Variants in PIEZO2 observed in about 807,000 individuals in gnomAD.
PIEZO2 encodes the protein piezo type mechanosensitive ion channel component 2.
A neutral mutation model predicts 337.3 loss-of-function variants in PIEZO2; 172 were observed. The ratio of observed to expected loss-of-function variants is 0.51; its 90% CI spans 0.45 to 0.58. The LOEUF is 0.58. PIEZO2 is among the 20% of genes least tolerant of loss of function. PIEZO2 has a pLI of 0.00. For synonymous variants in PIEZO2, 1,251 were observed against 1,228.5 expected (o/e 1.02, Z -0.38); for missense variants, 3,028 against 3,391.3 (o/e 0.89, Z 2.66).
chr18:10,881,690 C>T (rs1171807358), intron 4 of PIEZO2, among the ~76,000 whole-genome samples: 1 of 152,158 alleles, frequency 6.6e-6, no homozygotes, highest in Non-Finnish European at 1.5e-5. Flanking sequence ...CATTTACCAA[C>T]ACACAACTGC....
In PIEZO2 at chr18:10,705,749, G is replaced by C; in HGVS notation, c.5589-3C>G. 1 of 1,515,798 alleles carries C rather than the reference G, an allele frequency of 6.6e-7. No individual in the cohort carries two copies. Among genetic ancestry groups the C allele is most frequent in the South Asian group, 1.2e-5 (1 of 81,962 alleles). The allele number at this position is 1,515,798 out of a possible 1,614,324, so 93.9% of individuals were successfully genotyped here. On this transcript the variant is annotated splice_polypyrimidine_tract_variant and splice_region_variant and intron_variant, in intron 40 of 55. Coordinates refer to ENST00000674853, the MANE Select transcript of PIEZO2 (RefSeq NM_001378183.1). ...GCATGGTACACTGCGTGGGCTCGCT[G>C]TTGGGAGAAAGCGTGGGCACAGAGC...
chr18:11,060,483 A>G (rs1169344540), intron 2 of PIEZO2, among the ~76,000 whole-genome samples: 2 of 152,162 alleles, frequency 1.3e-5, no homozygotes, highest in African/African-American at 4.8e-5. Context: ...TTTTTTGAAA[A>G]GATCAACAAA....
At chr18:10,932,263 G>C (rs933646802) in intron 3 of PIEZO2, among the ~76,000 whole-genome samples, 1 of 152,078 alleles carries the variant, frequency 6.6e-6, no homozygotes, top group Non-Finnish European at 1.5e-5. Context: ...GGGTATGGTG[G>C]CACATGCCTG....
intron 2 of PIEZO2, among the ~76,000 whole-genome samples, chr18:11,043,641 A>G (rs1366018228): frequency 6.6e-6 from 1 of 152,186 alleles, no homozygotes; most frequent in African/African-American, 2.4e-5. Context: ...ACTGGAAAAA[A>G]GTATCCATAT....
chr18:11,101,411 T>A lies in PIEZO2; in HGVS notation c.65-35189A>T, dbSNP rs916092030. On this transcript the variant is annotated intron_variant, in intron 1 of 55. Transcript: ENST00000674853. This position sits in a 1 kb window ranked among gnomAD's most constrained non-coding sequence, Gnocchi z 4.4. ...AAGTGGTTCCCTTAAAGTTATAGGA[T>A]AACATAAAAAACCTCTGTTTTCAGC... is the stretch of plus-strand genomic sequence containing the variant. Among the ~76,000 whole-genome samples the A allele has an allele frequency of 5.3e-5, 8 of 152,232 alleles. No individual in the cohort carries two copies. The highest frequency in any genetic ancestry group is 1.7e-4 in the African/African-American group (7 of 41,460).
At chr18:10,690,510 A>G (rs2034765364) in intron 48 of PIEZO2, among the ~76,000 whole-genome samples, 1 of 152,104 alleles carries the variant, frequency 6.6e-6, no homozygotes, top group African/African-American at 2.4e-5. Context: ...TATAAATCCA[A>G]TCCCTGGAAG....
chr18:11,133,796 A>C lies in PIEZO2; in HGVS notation c.64+14729T>G, dbSNP rs145667529. Among the ~76,000 whole-genome samples the C allele has an allele frequency of 1.1e-3, 148 of 140,680 alleles. 1 individual carries two copies. In the South Asian group the frequency reaches 0.015, roughly 14 times the overall value. The allele number at this position is 140,680 out of a possible 152,430, so 92.3% of individuals were successfully genotyped here. ...TAATACTTAATAAACTCCTCTCTCTATATATATGTGTGTATATATATATAT... is the reference window on the plus strand; with the variant it reads ...TAATACTTAATAAACTCCTCTCTCTCTATATATGTGTGTATATATATATAT... On this transcript the variant is annotated intron_variant, in intron 1 of 55. Transcript: ENST00000674853.
At chr18:10,978,173 A>G (rs978858520) in intron 3 of PIEZO2, among the ~76,000 whole-genome samples, 1 of 152,076 alleles carries the variant, frequency 6.6e-6, no homozygotes, top group Non-Finnish European at 1.5e-5. Flanking sequence ...AACACAAAAA[A>G]TAAAATAAAA....
rs1157962197 is a variant in PIEZO2 at position 11,048,983 on chromosome 18, T to G, written c.160+17144A>C. 6.6e-6 allele frequency among the ~76,000 whole-genome samples: 1 copy of G among 152,236 alleles called. No homozygotes were observed. The highest frequency in any genetic ancestry group is 1.9e-4 in the East Asian group (1 of 5,198). ...CAGATGAAGTAAAGCTCAGATGCTCTAATAAATTATTCCATCAGAAATTAG... is the reference window on the plus strand; with the variant it reads ...CAGATGAAGTAAAGCTCAGATGCTCGAATAAATTATTCCATCAGAAATTAG... On this transcript the variant is annotated intron_variant, in intron 2 of 55. Transcript: ENST00000674853. This position sits in a 1 kb window ranked among gnomAD's most constrained non-coding sequence, Gnocchi z 4.5.
chr18:11,087,692 A>G (rs1355332113), intron 1 of PIEZO2, among the ~76,000 whole-genome samples: 3 of 152,178 alleles, frequency 2.0e-5, no homozygotes. Context: ...GTTTTTCATC[A>G]AGATCAACTA....
At chr18:10,905,197 C>CT (rs2043144624) in intron 4 of PIEZO2, among the ~76,000 whole-genome samples, 1 of 152,180 alleles carries the variant, frequency 6.6e-6, no homozygotes, top group African/African-American at 2.4e-5. Flanking sequence ...AGAAGCCCAT[C>CT]TTTCACAAAT....
intron 1 of PIEZO2, among the ~76,000 whole-genome samples, chr18:11,091,593 G>A (rs912357400): frequency 2.0e-5 from 3 of 152,104 alleles, no homozygotes; most frequent in South Asian, 4.1e-4. Context: ...TGTGATTCTG[G>A]CTCTGTTATC....
chr18:10,936,527 C>T (rs1378238518), intron 3 of PIEZO2, among the ~76,000 whole-genome samples: 1 of 152,104 alleles, frequency 6.6e-6, no homozygotes, highest in African/African-American at 2.4e-5. Flanking sequence ...AAAATGTTGC[C>T]TACCACTGTC....
At position 10,962,157 on chromosome 18, in the gene PIEZO2, A is replaced by G. The variant is rs138784501; in HGVS notation, c.286+17378T>C. On this transcript the variant is annotated intron_variant, in intron 3 of 55. Coordinates refer to ENST00000674853, the MANE Select transcript of PIEZO2 (RefSeq NM_001378183.1). The surrounding 1 kb of genome is among the most constrained non-coding windows in gnomAD (Gnocchi z 4.1). Reference sequence around the variant, plus strand: ...GATTCTACTGATCCTCAAAACTGCCACTGAATTAGAATTATTTCCAGATGC... The same window carrying G: ...GATTCTACTGATCCTCAAAACTGCCGCTGAATTAGAATTATTTCCAGATGC... 1.5e-3 allele frequency among the ~76,000 whole-genome samples: 229 copies of G among 152,306 alleles called. 1 individual carries two copies. The East Asian group carries it at 0.032, about 21-fold the overall frequency.
rs1488591131 is a variant in PIEZO2, at chr18:10,953,262, G to GT, written c.286+26272dup. Among the ~76,000 whole-genome samples the GT allele has an allele frequency of 6.6e-6, 1 of 152,058 alleles. No individual in the cohort carries two copies. The highest frequency in any genetic ancestry group is 1.5e-5 in the Non-Finnish European group (1 of 68,008). ...CATTTTGATGAAGTGTAATTTATCAGTTTTTTCTCTTATGAGTTGTGATTT... is the reference window on the plus strand; with the variant it reads ...CATTTTGATGAAGTGTAATTTATCAGTTTTTTTCTCTTATGAGTTGTGATTT... On this transcript the variant is annotated intron_variant, in intron 3 of 55. Transcript: ENST00000674853. The surrounding 1 kb of genome is among the most constrained non-coding windows in gnomAD (Gnocchi z 5.2).
intron 42 of PIEZO2, 154 bp downstream of exon 42, chr18:10,704,240 G>C: frequency 9.5e-7 from 1 of 1,053,548 alleles, no homozygotes; most frequent in Non-Finnish European, 1.3e-6. Context: ...CTGACGATTT[G>C]TGTATCTAAG....
chr18:11,147,005 T>C (rs1472068693), intron 1 of PIEZO2, among the ~76,000 whole-genome samples: 1 of 152,186 alleles, frequency 6.6e-6, no homozygotes, highest in Non-Finnish European at 1.5e-5. Context: ...GTTAACTCGG[T>C]CACTAGCTTC....
At position 11,148,657 on chromosome 18, in the gene PIEZO2, G is replaced by A. The variant is rs763624322; in HGVS notation, c.-69C>T. On this transcript the variant is annotated 5_prime_UTR_variant, in exon 1 of 56. Coordinates refer to ENST00000674853, the MANE Select transcript of PIEZO2 (RefSeq NM_001378183.1). This position sits in a 1 kb window ranked among gnomAD's most constrained non-coding sequence, Gnocchi z 5.2. ...GTCCCTAGGGGTGGTGGGACGCAAG[G>A]CCCATGCCCGTCTATGGCCTCTCGC... 643 of 1,481,860 alleles carry A rather than the reference G, an allele frequency of 4.3e-4. 1 individual carries two copies. Among genetic ancestry groups the A allele is most frequent in the Non-Finnish European group, 5.6e-4 (616 of 1,098,556 alleles). 91.8% of individuals were successfully genotyped at this position (1,481,860 alleles called of 1,614,324 possible).
chr18:10,687,097 A>C (rs2034577493), intron 49 of PIEZO2, among the ~76,000 whole-genome samples: 1 of 152,038 alleles, frequency 6.6e-6, no homozygotes, highest in African/African-American at 2.4e-5. Context: ...ATATATATTG[A>C]ATTTATTTGT....
Sources: allele counts gnomAD v4.1 joint callset (sites outside exome capture counted in the v4.1 genomes callset), GRCh38; gene constraint gnomAD v4.1.1; non-coding constraint Gnocchi (gnomAD v3.1); transcripts MANE v1.5; gene names NCBI Gene and HGNC (gene_info 2026-07-23, HGNC 2026-07-21).